The following RBFOX1 variants were observed in gnomAD, a reference collection of about 807,000 sequenced individuals.
The protein encoded by RBFOX1 is RNA binding protein fox-1 homolog 1.
A neutral mutation model predicts 57.7 loss-of-function variants in RBFOX1; 8 were observed. The observed-to-expected ratio is 0.14, with a 90% CI of 0.08 to 0.25. RBFOX1 has a LOEUF of 0.25. Ranked by LOEUF, RBFOX1 falls within the 10% of genes least tolerant of loss-of-function variation. RBFOX1 has a pLI of 1.00. For missense variants in RBFOX1, 611 were observed against 548.5 expected (o/e 1.11, Z -1.14); for synonymous variants, 326 against 222.4 (o/e 1.47, Z -4.15).
At chr16:6,812,418 G>T (rs2088917796) in intron 3 of RBFOX1, among the ~76,000 whole-genome samples, 2 of 152,096 alleles carry the variant, frequency 1.3e-5, no homozygotes, top group Admixed American at 6.6e-5. Context: ...TTGTCACCCA[G>T]GCTGGAGTGC....
intron 3 of RBFOX1, among the ~76,000 whole-genome samples, chr16:6,802,503 C>A (rs1347370771): frequency 2.0e-5 from 3 of 152,024 alleles, no homozygotes; most frequent in African/African-American, 7.3e-5. Flanking sequence ...TTGGCAAAAC[C>A]CTGTCTCTAC....
chr16:6,932,433 C>G (rs953325331), intron 3 of RBFOX1, among the ~76,000 whole-genome samples: 4 of 152,156 alleles, frequency 2.6e-5, no homozygotes, highest in Admixed American at 2.6e-4. Flanking sequence ...GGTCTCACCT[C>G]ACAATACCAT....
chr16:7,058,116 A>T (rs1568581940), intron 4 of RBFOX1, among the ~76,000 whole-genome samples: 1 of 152,034 alleles, frequency 6.6e-6, no homozygotes, highest in Non-Finnish European at 1.5e-5. Context: ...GCTACCACCA[A>T]CTGCTAGCTC....
chr16:6,230,058 G>A (rs995686895), intron 1 of RBFOX1, among the ~76,000 whole-genome samples: 2 of 151,960 alleles, frequency 1.3e-5, no homozygotes, highest in Admixed American at 6.6e-5. Flanking sequence ...TTACATGATG[G>A]AAATAATAAT....
chr16:5,722,528 G>A (rs1053477070), intron 3 of RBFOX1, among the ~76,000 whole-genome samples: 1 of 152,154 alleles, frequency 6.6e-6, no homozygotes, highest in Non-Finnish European at 1.5e-5. Context: ...ATCAAGGGGG[G>A]CATTCAAAGA....
At chr16:6,724,959 C>T (rs963914448) in intron 3 of RBFOX1, among the ~76,000 whole-genome samples, 6 of 151,026 alleles carry the variant, frequency 4.0e-5, no homozygotes, top group African/African-American at 1.2e-4. Flanking sequence ...TGTCTTTTGG[C>T]ATGCAAATGC....
chr16:6,590,415 T>C (rs8059733), intron 2 of RBFOX1, among the ~76,000 whole-genome samples: 144,253 of 152,234 alleles, frequency 0.95, 68,865 homozygotes, highest in East Asian at 1. Context: ...AGCTAATTTT[T>C]TTTGTGTGTG....
chr16:7,035,058 G>C (rs993433340), intron 3 of RBFOX1, among the ~76,000 whole-genome samples: 2 of 151,440 alleles, frequency 1.3e-5, no homozygotes, highest in East Asian at 3.9e-4. Context: ...TTGTTGGCCA[G>C]GGTGGTCTCA....
intron 2 of RBFOX1, among the ~76,000 whole-genome samples, chr16:6,623,606 C>A (rs566697180): frequency 4.6e-5 from 7 of 152,026 alleles, no homozygotes; most frequent in Non-Finnish European, 8.8e-5. Context: ...CCCCACACCC[C>A]ACAACAGGCC....
At chr16:7,032,990 G>C (rs1401410176) in intron 3 of RBFOX1, among the ~76,000 whole-genome samples, 1 of 152,122 alleles carries the variant, frequency 6.6e-6, no homozygotes, top group African/African-American at 2.4e-5. Flanking sequence ...ACGCTAAATG[G>C]CTGGAAATCA....
chr16:5,862,554 A>G (rs1419093708), intron 3 of RBFOX1, among the ~76,000 whole-genome samples: 2 of 152,332 alleles, frequency 1.3e-5, no homozygotes, highest in Middle Eastern at 3.4e-3. Flanking sequence ...ACTGCGTGTC[A>G]GGGTTTTTGG....
chr16:5,404,834 A>T (rs1022269178), intron 1 of RBFOX1, among the ~76,000 whole-genome samples: 2 of 152,182 alleles, frequency 1.3e-5, no homozygotes, highest in African/African-American at 4.8e-5. Flanking sequence ...GTTGAGAGAG[A>T]GCGACAAAGC....
intron 3 of RBFOX1, among the ~76,000 whole-genome samples, chr16:5,830,856 CTGCCTACCA>C (rs1007523795): frequency 5.9e-5 from 9 of 152,188 alleles, no homozygotes; most frequent in Non-Finnish European, 8.8e-5. Context: ...GCTGTTGTCT[CTGCCTACCA>C]TGCATAGAAT....
chr16:7,474,098 C>T (rs753905763), intron 4 of RBFOX1, among the ~76,000 whole-genome samples: 20 of 152,110 alleles, frequency 1.3e-4, no homozygotes, highest in African/African-American at 4.8e-4. Flanking sequence ...ACCAGTCTGG[C>T]CAATACGGTG....
chr16:6,558,091 A>G (rs1028078139), intron 2 of RBFOX1, among the ~76,000 whole-genome samples: 1 of 152,166 alleles, frequency 6.6e-6, no homozygotes, highest in African/African-American at 2.4e-5. Context: ...TTAAATTAAT[A>G]TTAAGTTATT....
intron 3 of RBFOX1, among the ~76,000 whole-genome samples, chr16:5,794,470 C>T (rs946519559): frequency 4.0e-5 from 6 of 151,470 alleles, no homozygotes; most frequent in Non-Finnish European, 7.4e-5. Flanking sequence ...TCTGTGATAC[C>T]AGAGGCACAC....
intron 6 of RBFOX1, among the ~76,000 whole-genome samples, chr16:7,586,546 G>A (rs1158881780): frequency 6.6e-6 from 1 of 152,182 alleles, no homozygotes; most frequent in Non-Finnish European, 1.5e-5. Flanking sequence ...TGAAAAATCT[G>A]AAATTTAAAT....
intron 14 of RBFOX1, among the ~76,000 whole-genome samples, chr16:7,698,887 A>G (rs1193281960): frequency 2.0e-5 from 3 of 152,200 alleles, no homozygotes; most frequent in African/African-American, 7.2e-5. Context: ...AGTGTGTGCA[A>G]TCAATTTGTG....
intron 4 of RBFOX1, among the ~76,000 whole-genome samples, chr16:5,964,243 C>T (rs111322122): frequency 0.012 from 1,821 of 152,194 alleles, 34 homozygotes; most frequent in African/African-American, 0.041. Context: ...AAGGCCAAAA[C>T]GTAAGTGTTG....
Sources: allele counts gnomAD v4.1 joint callset (sites outside exome capture counted in the v4.1 genomes callset), GRCh38; gene constraint gnomAD v4.1.1; transcripts MANE v1.5; gene names NCBI Gene and HGNC (gene_info 2026-07-23, HGNC 2026-07-21).